Variants in ABCC3 observed in about 807,000 individuals in gnomAD.
ABCC3 encodes ATP-binding cassette sub-family C member 3.
A neutral mutation model predicts 165.3 loss-of-function variants in ABCC3; 121 were observed. The ratio of observed to expected loss-of-function variants is 0.73; its 90% confidence interval spans 0.63 to 0.85. The LOEUF is 0.85. Ranked by LOEUF, ABCC3 falls within the 40% of genes least tolerant of loss-of-function variation. ABCC3 has a pLI of 0.00. For missense variants in ABCC3, 1,869 were observed against 1,964.1 expected (o/e 0.95, Z 0.92); for synonymous variants, 733 against 810.1 (o/e 0.90, Z 1.62).
intron 26 of ABCC3, among the ~76,000 whole-genome samples, chr17:50,682,132 A>G (rs1230770199): frequency 6.6e-6 from 1 of 152,108 alleles, no homozygotes. Flanking sequence ...CTGGCTCCAC[A>G]GGAATAGTCA....
rs1163741242 is a variant in ABCC3 at position 50,674,034 on chromosome 17, CTCTTTCTTTCTTTCTTTCTTTCTTTCTT to C, written c.2599+390_2599+417del. On this transcript the variant is annotated intron_variant, in intron 19 of 30. Transcript: ENST00000285238. ...TCTCTCTCTCTCTCTCTCTCTCTCT[CTCTTTCTTTCTTTCTTTCTTTCTTTCTT>C]TCTTTCTTTCTTTTTTTTCTTTTGA... 6.7e-3 allele frequency among the ~76,000 whole-genome samples: 30 copies of C among 4,502 alleles called. 1 individual carries two copies. Among genetic ancestry groups the C allele is most frequent in the Admixed American group, 0.013 (4 of 316 alleles). The allele number at this position is 4,502 out of a possible 152,430, so 3.0% of individuals were successfully genotyped here.
intron 1 of ABCC3, among the ~76,000 whole-genome samples, chr17:50,641,994 G>GAA (rs78689334): frequency 5.0e-5 from 7 of 140,800 alleles, no homozygotes; most frequent in African/African-American, 7.8e-5. Context: ...TTACAGTGGG[G>GAA]AAAAAAAAAA....
chr17:50,664,855 GAA>G (rs1967486064), intron 10 of ABCC3: 4 of 343,440 alleles, frequency 1.2e-5, no homozygotes, highest in Non-Finnish European at 1.6e-5. Context: ...AGGGAGGAAA[GAA>G]AGTCTTGGAG....
chr17:50,668,377 G>T (rs1967570634), intron 13 of ABCC3, 53 bp from the exon 14 acceptor site: 3 of 1,504,694 alleles, frequency 2.0e-6, no homozygotes, highest in African/African-American at 2.8e-5. Context: ...CGAGGGTAGG[G>T]GTTGGGGGTT....
At position 50,656,784 on chromosome 17, in the gene ABCC3, C is replaced by A. The variant is rs371734426; in HGVS notation, c.305C>A (p.Ala102Asp). The A allele has an allele frequency of 6.2e-7, 1 of 1,613,796 alleles. No homozygotes were observed. The highest frequency in any genetic ancestry group is 1.3e-5 in the African/African-American group (1 of 75,020). The change falls in exon 3 of 31, where the codon GCC becomes GAC. Residue 102 changes from alanine (A) to aspartate (D), a missense_variant. Transcript: ENST00000285238. ...FHGLVHGRAPAPVFFVTPLVV... is the reference protein window; with the variant it reads ...FHGLVHGRAPDPVFFVTPLVV... ...GGCCTGGTCCATGGCCGGGCCCCTG[C>A]CCCTGTTTTCTTTGTCACCCCCTTG...
At chr17:50,686,117 C>T (rs1245569404) in intron 29 of ABCC3, among the ~76,000 whole-genome samples, 1 of 152,116 alleles carries the variant, frequency 6.6e-6, no homozygotes, top group Admixed American at 6.5e-5. Flanking sequence ...TCGCTTGAAC[C>T]CTGGAGGCGG....
intron 5 of ABCC3, 34 bp downstream of exon 5, chr17:50,658,241 A>G: frequency 1.2e-6 from 2 of 1,614,092 alleles, no homozygotes; most frequent in East Asian, 4.5e-5. Context: ...GGGGCTCCAC[A>G]GCTGAGTCCT....
At chr17:50,680,331 C>T (rs1967906117) in intron 26 of ABCC3, among the ~76,000 whole-genome samples, 1 of 152,156 alleles carries the variant, frequency 6.6e-6, no homozygotes, top group Non-Finnish European at 1.5e-5. Flanking sequence ...AGAGACCAGC[C>T]TGGGCAAAGG....
At chr17:50,675,282 T>C in intron 19 of ABCC3, 80 bp from the exon 20 acceptor site, 2 of 963,268 alleles carry the variant, frequency 2.1e-6, no homozygotes, top group Non-Finnish European at 3.1e-6. Context: ...CCCCTTTCAT[T>C]AGAGTGGGGA....
intron 30 of ABCC3, among the ~76,000 whole-genome samples, chr17:50,688,074 G>A (rs780106222): frequency 6.6e-6 from 1 of 152,000 alleles, no homozygotes; most frequent in Admixed American, 6.6e-5. Context: ...ACCACATCCG[G>A]CTAATTTTTG....
At chr17:50,641,470 T>C (rs1407716194) in intron 1 of ABCC3, among the ~76,000 whole-genome samples, 1 of 152,194 alleles carries the variant, frequency 6.6e-6, no homozygotes, top group African/African-American at 2.4e-5. Context: ...TACACATAAC[T>C]GAGTTGGAGA....
intron 20 of ABCC3, 72 bp downstream of exon 20, chr17:50,675,548 C>T: frequency 6.3e-7 from 1 of 1,575,222 alleles, no homozygotes; most frequent in South Asian, 1.2e-5. Flanking sequence ...AGATGGGGTG[C>T]AGGTTTCTCC....
chr17:50,656,741 CT>C lies in ABCC3; in HGVS notation c.268del (p.Tyr90ThrfsTer33). Reference sequence around the variant, plus strand: ...GCTGTGGTGCGTCTCCTGGGCGGACCTTTTTTACTCCTTCCATGGCCTGGTC... The same window carrying C: ...GCTGTGGTGCGTCTCCTGGGCGGACCTTTTTACTCCTTCCATGGCCTGGTC... ...VLLWCVSWAD[L>X]FYSFHGLVHG... On this transcript the variant is annotated frameshift_variant, in exon 3 of 31. Transcript: ENST00000285238. LOFTEE classifies it high-confidence loss of function. 6.2e-7 allele frequency: 1 copy of C among 1,613,926 alleles called. No homozygotes were observed. Among genetic ancestry groups the C allele is most frequent in the Admixed American group, 1.7e-5 (1 of 59,962 alleles).
rs1203571046 is a variant in ABCC3 at position 50,684,887 on chromosome 17, G to A, written c.4280+12G>A. 1 of 1,612,634 alleles carries A rather than the reference G, an allele frequency of 6.2e-7. No homozygotes were observed. Among genetic ancestry groups the A allele is most frequent in the Non-Finnish European group, 8.5e-7 (1 of 1,179,354 alleles). On this transcript the variant is annotated intron_variant, in intron 29 of 30. Transcript: ENST00000285238. ...GGGGAGAATCTCAGGTAAACACTGG[G>A]AGTGCAGAGGTCAGGAACTGCAACC... is the stretch of plus-strand genomic sequence containing the variant.
At chr17:50,664,503 G>C in intron 10 of ABCC3, 1 of 232,222 alleles carries the variant, frequency 4.3e-6, no homozygotes, top group Non-Finnish European at 8.6e-6. Context: ...AGGAGTTCGA[G>C]ACCAGCCCGG....
chr17:50,656,846 G>A lies in ABCC3; in HGVS notation c.348+19G>A, dbSNP rs558294652. 2 of 1,592,380 alleles carry A rather than the reference G, an allele frequency of 1.3e-6. No homozygotes were observed. Among genetic ancestry groups the A allele is most frequent in the South Asian group, 1.1e-5 (1 of 87,238 alleles). On this transcript the variant is annotated intron_variant, in intron 3 of 30. Transcript: ENST00000285238. ...CACCATGGTCAGTGTGGGGCCCTGG[G>A]AAAGTGGATGGGGGAGGTCTCCATT... is the stretch of plus-strand genomic sequence containing the variant.
In ABCC3 at chr17:50,675,420, C is replaced by G; in HGVS notation, c.2658C>G (p.His886Gln). 1 of 1,614,104 alleles carries G rather than the reference C, an allele frequency of 6.2e-7. No homozygotes were observed. The highest frequency in any genetic ancestry group is 1.1e-5 in the South Asian group (1 of 91,068). The change falls in exon 20 of 31, where the codon CAC becomes CAG. Residue 886 changes from histidine to glutamine, a missense_variant. His to Gln is a conservative substitution (Grantham distance 24). Coordinates refer to ENST00000285238, the MANE Select transcript of ABCC3 (RefSeq NM_003786.4). ...ALLIEDTLSNHTDLTDNDPVT... is the reference protein window; with the variant it reads ...ALLIEDTLSNQTDLTDNDPVT... Reference sequence around the variant, plus strand: ...TGATTGAAGACACACTCAGCAACCACACGGATCTGACAGACAATGATCCAG... The same window carrying G: ...TGATTGAAGACACACTCAGCAACCAGACGGATCTGACAGACAATGATCCAG...
At chr17:50,648,291 G>A (rs1431446762) in intron 1 of ABCC3, among the ~76,000 whole-genome samples, 2 of 152,218 alleles carry the variant, frequency 1.3e-5, no homozygotes, top group Non-Finnish European at 2.9e-5. Context: ...GCCATTTGGA[G>A]TCTGTAAAAG....
Position 50,691,434 on chromosome 17 carries a change from C to T in ABCC3, c.*234C>T. 2.2e-6 allele frequency: 1 copy of T among 457,646 alleles called. No individual in the cohort carries two copies. Among genetic ancestry groups the T allele is most frequent in the East Asian group, 3.7e-5 (1 of 26,880 alleles). 28.3% of individuals were successfully genotyped at this position (457,646 alleles called of 1,614,324 possible). On this transcript the variant is annotated 3_prime_UTR_variant, in exon 31 of 31. Coordinates refer to ENST00000285238, the MANE Select transcript of ABCC3 (RefSeq NM_003786.4). ...CTAGTTTGAGCCAGTTAGACTAGTC[C>T]CCGGTCTCCCGATTCCCAACTGAGT...
Sources: gnomAD v4.1 joint callset for allele counts (sites outside exome capture counted in the v4.1 genomes callset) on GRCh38, gnomAD v4.1.1 for gene constraint, MANE v1.5 for transcripts, NCBI Gene and HGNC (gene_info 2026-07-23, HGNC 2026-07-21) for gene names.